Variants in HYDIN observed in about 807,000 individuals in gnomAD.
The protein encoded by HYDIN is HYDIN axonemal central pair apparatus protein.
Under a neutral mutation model 403.9 loss-of-function variants are expected in HYDIN, and 132 were observed. The observed-to-expected ratio is 0.33, with a 90% CI of 0.28 to 0.38. HYDIN has a LOEUF of 0.38. Among genes scored for constraint, HYDIN ranks in the 10% least tolerant of loss-of-function variants. The pLI, the probability that HYDIN is intolerant of heterozygous loss-of-function variation, is 1.00. For missense variants in HYDIN, 2,827 were observed against 5,009.5 expected (o/e 0.56, Z 13.15); for synonymous variants, 1,202 against 1,891.7 (o/e 0.64, Z 9.46).
intron 72 of HYDIN, among the ~76,000 whole-genome samples, chr16:70,856,710 G>T (rs940535804): frequency 6.6e-6 from 1 of 152,144 alleles, no homozygotes; most frequent in African/African-American, 2.4e-5. Context: ...CTGTCTCACT[G>T]TTGTTATTCT....
intron 11 of HYDIN, 30 bp from the exon 12 acceptor site, chr16:71,088,554 G>T (rs991665031): frequency 9.4e-5 from 59 of 625,082 alleles, no homozygotes; most frequent in Non-Finnish European, 1.6e-4. Flanking sequence ...GAATGTGAAG[G>T]TCAATGGGCC....
chr16:71,072,741 A>C (rs1407447194), intron 13 of HYDIN, among the ~76,000 whole-genome samples: 2 of 152,092 alleles, frequency 1.3e-5, no homozygotes, highest in African/African-American at 2.4e-5. Flanking sequence ...CCATGTGATT[A>C]CAAGTATTTC....
chr16:70,872,648 T>A (rs1389422403), intron 64 of HYDIN, among the ~76,000 whole-genome samples: 1 of 116,054 alleles, frequency 8.6e-6, no homozygotes, highest in African/African-American at 3.4e-5. Flanking sequence ...CTCGCATCCA[T>A]CCATCATCCA....
intron 1 of HYDIN, among the ~76,000 whole-genome samples, chr16:71,192,379 G>A (rs2087479067): frequency 6.6e-6 from 1 of 152,124 alleles, no homozygotes; most frequent in Non-Finnish European, 1.5e-5. Context: ...TGCAGCCACA[G>A]TGACCTTTCC....
chr16:70,939,113 AG>A (rs1368516136), intron 43 of HYDIN, among the ~76,000 whole-genome samples: 2 of 152,194 alleles, frequency 1.3e-5, no homozygotes, highest in African/African-American at 4.8e-5. Flanking sequence ...CGAGGGATGC[AG>A]GAGAGTCAGT....
intron 21 of HYDIN, among the ~76,000 whole-genome samples, chr16:71,021,652 A>T (rs1467162584): frequency 6.6e-6 from 1 of 152,020 alleles, no homozygotes; most frequent in African/African-American, 2.4e-5. Context: ...GTTCTTTAGT[A>T]TCATCAGGGG....
At chr16:70,831,920 G>A (rs2037029878) in intron 80 of HYDIN, among the ~76,000 whole-genome samples, 2 of 147,790 alleles carry the variant, frequency 1.4e-5, no homozygotes, top group Non-Finnish European at 1.5e-5. Context: ...AATTAACTCC[G>A]AATAGACTGA....
intron 10 of HYDIN, among the ~76,000 whole-genome samples, chr16:71,103,776 TAC>T (rs1481455112): frequency 6.6e-6 from 1 of 151,960 alleles, no homozygotes; most frequent in Non-Finnish European, 1.5e-5. Flanking sequence ...TGTCAATTTC[TAC>T]AAAAAAACCA....
intron 1 of HYDIN, among the ~76,000 whole-genome samples, chr16:71,216,262 T>G (rs148771453): frequency 7.2e-5 from 11 of 152,298 alleles, no homozygotes; most frequent in African/African-American, 2.6e-4. Context: ...ATTCCTATAA[T>G]ATAATATCAC....
chr16:71,223,297 T>C (rs1377190609), intron 1 of HYDIN, among the ~76,000 whole-genome samples: 1 of 152,146 alleles, frequency 6.6e-6, no homozygotes, highest in African/African-American at 2.4e-5. Context: ...TGGGTCCCCA[T>C]TTCTTACCTT....
At chr16:71,097,187 C>CA (rs1469237394) in intron 10 of HYDIN, among the ~76,000 whole-genome samples, 2 of 127,818 alleles carry the variant, frequency 1.6e-5, no homozygotes, top group Non-Finnish European at 3.1e-5. Flanking sequence ...AGCTGAACTT[C>CA]AGTCTCTTTG....
intron 19 of HYDIN, among the ~76,000 whole-genome samples, chr16:71,030,939 G>A (rs182704792): frequency 4.9e-3 from 741 of 152,152 alleles, no homozygotes; most frequent in Non-Finnish European, 9.1e-3. Context: ...GGTGGCTCAT[G>A]CCTGTAATCC....
At chr16:70,839,634 T>G (rs900534749) in intron 76 of HYDIN, among the ~76,000 whole-genome samples, 1 of 152,090 alleles carries the variant, frequency 6.6e-6, no homozygotes, top group African/African-American at 2.4e-5. Context: ...GCTCAGAACC[T>G]TGGACTAGAA....
At chr16:70,921,576 G>C (rs1201116011) in intron 45 of HYDIN, among the ~76,000 whole-genome samples, 2 of 152,190 alleles carry the variant, frequency 1.3e-5, no homozygotes, top group Non-Finnish European at 2.9e-5. Context: ...CCCTGGGATA[G>C]GCCACAGCGT....
At chr16:70,951,647 TC>T in intron 41 of HYDIN, among the ~76,000 whole-genome samples, 1 of 152,132 alleles carries the variant, frequency 6.6e-6, no homozygotes, top group Middle Eastern at 3.4e-3. Context: ...TCTTACTACC[TC>T]CCAAGATCTC....
At chr16:71,005,194 T>C (rs1470603390) in intron 23 of HYDIN, among the ~76,000 whole-genome samples, 2 of 152,196 alleles carry the variant, frequency 1.3e-5, no homozygotes, top group African/African-American at 4.8e-5. Context: ...AGTAAGTCTA[T>C]TAAATGCATT....
intron 75 of HYDIN, among the ~76,000 whole-genome samples, chr16:70,848,955 C>A (rs1376811384): frequency 1.3e-5 from 2 of 150,180 alleles, no homozygotes; most frequent in Non-Finnish European, 3.0e-5. Flanking sequence ...CCTCAGTCAG[C>A]TGCAGTGTTA....
chr16:70,818,259 T>TCC, intron 84 of HYDIN, 83 bp downstream of exon 84: 1 of 711,956 alleles, frequency 1.4e-6, no homozygotes, highest in Non-Finnish European at 2.4e-6. Context: ...CCTCTGGGGA[T>TCC]GCAGAGTGTG....
rs1268215815 is a variant in HYDIN, at chr16:71,184,979, T to C, written c.147A>G (p.Ser49=). The C allele has an allele frequency of 1.9e-6, 3 of 1,608,092 alleles. No homozygotes were observed. The highest frequency in any genetic ancestry group is 2.6e-6 in the Non-Finnish European group (3 of 1,176,424). Residue 49 remains serine (S), a synonymous_variant, in exon 3 of 86, where the codon TCA becomes TCG. Transcript: ENST00000393567. ...EEEVNRMLTP[S]EFLKEMSLTT... ...TCAGGGACATTTCCTTCAGGAACTC[T>C]GAGGGTGTAAGCTAGAATGTAAAAC...
Sources: gnomAD v4.1 joint callset for allele counts (sites outside exome capture counted in the v4.1 genomes callset) on GRCh38, gnomAD v4.1.1 for gene constraint, MANE v1.5 for transcripts, NCBI Gene and HGNC (gene_info 2026-07-23, HGNC 2026-07-21) for gene names.